RELN: variants seen among roughly 807,000 people sequenced by gnomAD.
The protein encoded by RELN is reelin.
Under a neutral mutation model 427.6 loss-of-function variants are expected in RELN, and 108 were observed. That is an observed-to-expected ratio of 0.25 (90% confidence interval 0.22 to 0.30). RELN has a LOEUF of 0.30. Ranked by LOEUF, RELN falls within the 10% of genes least tolerant of loss-of-function variation. The pLI is 1.00. For synonymous variants in RELN, 1,524 were observed against 1,513.4 expected, an observed-to-expected ratio of 1.01 and a Z score of -0.16; for missense variants, 3,715 against 4,302.8, an observed-to-expected ratio of 0.86 and a Z score of 3.82.
chr7:103,530,350 T>A (rs1416648830), intron 46 of RELN, among the ~76,000 whole-genome samples: 1 of 152,264 alleles, frequency 6.6e-6, no homozygotes, highest in African/African-American at 2.4e-5. Flanking sequence ...GACTGGGTTT[T>A]AATCAATTCT....
chr7:103,482,637 T>C (rs1026769323), intron 63 of RELN, among the ~76,000 whole-genome samples: 1 of 152,234 alleles, frequency 6.6e-6, no homozygotes, highest in Non-Finnish European at 1.5e-5. Flanking sequence ...TGTCAACCCT[T>C]AAATAAATGT....
chr7:103,649,802 G>A (rs965898092), intron 16 of RELN, among the ~76,000 whole-genome samples: 2 of 151,904 alleles, frequency 1.3e-5, no homozygotes, highest in Middle Eastern at 3.2e-3. Context: ...TGAAAAGGAG[G>A]TAAAAGTTTC....
rs114665690 is a variant in RELN, at chr7:103,725,951, T to C, written c.753+2160A>G. On this transcript the variant is annotated intron_variant, in intron 7 of 64. Coordinates refer to ENST00000428762, the MANE Select transcript of RELN (RefSeq NM_005045.4). The stretch of plus-strand genomic sequence containing the variant: ...CATTTTAAAAGATAAATCCTTAGCC[T>C]AATAAGGTTCTTTGCTCGTGGTTCT... Among the ~76,000 whole-genome samples the C allele has an allele frequency of 9.7e-3, 1,471 of 152,302 alleles. 26 individuals carry two copies. Among genetic ancestry groups the C allele is most frequent in the African/African-American group, 0.033 (1,388 of 41,574 alleles).
At chr7:103,909,186 C>T (rs1795283392) in intron 2 of RELN, among the ~76,000 whole-genome samples, 1 of 152,122 alleles carries the variant, frequency 6.6e-6, no homozygotes, top group Non-Finnish European at 1.5e-5. Context: ...ATATACATCT[C>T]AGTCACACAG....
chr7:103,926,837 G>A (rs995254582), intron 1 of RELN, among the ~76,000 whole-genome samples: 3 of 151,596 alleles, frequency 2.0e-5, no homozygotes, highest in African/African-American at 7.3e-5. Context: ...TAGTAGAGAT[G>A]GGTTTTCACT....
chr7:103,491,896 A>AAC, intron 58 of RELN, 57 bp downstream of exon 58: 1 of 1,075,256 alleles, frequency 9.3e-7, no homozygotes, highest in East Asian at 2.6e-5. Context: ...ACACACACAC[A>AAC]ACGATTTGGA....
At chr7:103,681,256 G>A (rs1329194589) in intron 11 of RELN, among the ~76,000 whole-genome samples, 2 of 152,058 alleles carry the variant, frequency 1.3e-5, no homozygotes, top group East Asian at 3.9e-4. Flanking sequence ...TGCCACTCAG[G>A]GACTTCGAAG....
At chr7:103,986,885 A>C (rs1332834037) in intron 1 of RELN, among the ~76,000 whole-genome samples, 2 of 152,066 alleles carry the variant, frequency 1.3e-5, no homozygotes, top group South Asian at 2.1e-4. Flanking sequence ...CCACAAAAGT[A>C]CATGAGATTA....
chr7:103,499,848 A>AAATT (rs1828965546), intron 53 of RELN, among the ~76,000 whole-genome samples: 1 of 152,216 alleles, frequency 6.6e-6, no homozygotes, highest in Admixed American at 6.5e-5. Context: ...CTCATGAAAG[A>AAATT]AATTAGATTT....
intron 3 of RELN, among the ~76,000 whole-genome samples, chr7:103,826,319 AATGTGTGTGTGTGTGTGTGTGT>A (rs1435181749): frequency 1.3e-4 from 18 of 137,494 alleles, no homozygotes; most frequent in Non-Finnish European, 2.3e-4. Context: ...AGACTAAGAC[AATGTGTGTGTGTGTGTGTGTGT>A]GTGTGTGTGT....
chr7:103,549,257 TCA>T (rs1830361768), intron 41 of RELN, among the ~76,000 whole-genome samples: 1 of 152,156 alleles, frequency 6.6e-6, no homozygotes, highest in South Asian at 2.1e-4. Context: ...AGCCAGCACC[TCA>T]GTGTCTGGTG....
At chr7:103,694,794 G>C (rs1388617631) in intron 10 of RELN, among the ~76,000 whole-genome samples, 6 of 151,322 alleles carry the variant, frequency 4.0e-5, no homozygotes, top group African/African-American at 1.5e-4. Flanking sequence ...GGAGTAGCTG[G>C]GACTACAGGT....
At chr7:103,593,954 C>G in intron 26 of RELN, 72 bp from the exon 27 acceptor site, 1 of 1,175,818 alleles carries the variant, frequency 8.5e-7, no homozygotes, top group Non-Finnish European at 1.3e-6. Flanking sequence ...ATTTTCATTT[C>G]ATGACATGCT....
rs1203158920 is a variant in RELN at position 103,626,411 on chromosome 7, C to T, written c.2702+3529G>A. Among the ~76,000 whole-genome samples the T allele has an allele frequency of 6.6e-6, 1 of 152,128 alleles. No individual in the cohort carries two copies. Among genetic ancestry groups the T allele is most frequent in the East Asian group, 1.9e-4 (1 of 5,192 alleles). ...TGTCACCCAGGCTGGAGTGCATTGG[C>T]ATGATCTCGGCTCACTGCAACTTCT... On this transcript the variant is annotated intron_variant, in intron 20 of 64. Transcript: ENST00000428762. This position sits in a 1 kb window ranked among gnomAD's most constrained non-coding sequence, Gnocchi z 4.4.
chr7:103,926,512 C>T (rs1442204691), intron 1 of RELN, among the ~76,000 whole-genome samples: 1 of 151,924 alleles, frequency 6.6e-6, no homozygotes, highest in Non-Finnish European at 1.5e-5. Context: ...CTTGATAATA[C>T]TCGTGCGTAT....
At chr7:103,630,855 T>TG (rs1832442483) in intron 19 of RELN, among the ~76,000 whole-genome samples, 3 of 87,566 alleles carry the variant, frequency 3.4e-5, no homozygotes, top group Non-Finnish European at 2.5e-5. Flanking sequence ...TTTTTTGTTT[T>TG]TTTTGTTTTT....
chr7:103,898,346 C>T (rs1396180651), intron 2 of RELN, among the ~76,000 whole-genome samples: 1 of 152,006 alleles, frequency 6.6e-6, no homozygotes, highest in Admixed American at 6.6e-5. Context: ...CTTATTTAAT[C>T]ATTTCCCTAT....
At chr7:103,966,941 G>C (rs1196261636) in intron 1 of RELN, among the ~76,000 whole-genome samples, 2 of 152,194 alleles carry the variant, frequency 1.3e-5, no homozygotes, top group African/African-American at 4.8e-5. Context: ...TCACTGATGA[G>C]TCTACCTTTT....
At chr7:103,971,647 T>A (rs1384215352) in intron 1 of RELN, among the ~76,000 whole-genome samples, 1 of 152,236 alleles carries the variant, frequency 6.6e-6, no homozygotes, top group Non-Finnish European at 1.5e-5. Flanking sequence ...ATTATCTTTT[T>A]GGAGGACAAT....
Sources: allele counts gnomAD v4.1 joint callset (sites outside exome capture counted in the v4.1 genomes callset), GRCh38; gene constraint gnomAD v4.1.1; non-coding constraint Gnocchi (gnomAD v3.1); transcripts MANE v1.5; gene names NCBI Gene and HGNC (gene_info 2026-07-23, HGNC 2026-07-21).